The following DLG1 variants were observed in gnomAD, a reference collection of about 807,000 sequenced individuals.
The protein encoded by DLG1 is disks large homolog 1.
In DLG1, 42 loss-of-function variants were observed where a neutral mutation model predicts 123.4. The ratio of observed to expected loss-of-function variants is 0.34; its 90% CI spans 0.27 to 0.44. DLG1 has a LOEUF of 0.44. Ranked by LOEUF, DLG1 falls within the 20% of genes least tolerant of loss-of-function variation. DLG1 has a pLI of 1.00. For missense variants in DLG1, 942 were observed against 1,082.6 expected (o/e 0.87, Z 1.82); for synonymous variants, 317 against 356.2 (o/e 0.89, Z 1.24).
chr3:197,170,921 A>G (rs1303787866), intron 5 of DLG1, among the ~76,000 whole-genome samples: 1 of 152,192 alleles, frequency 6.6e-6, no homozygotes, highest in East Asian at 1.9e-4. Context: ...GCACACTTCC[A>G]TATTTTTAGA....
At chr3:197,289,328 G>C (rs545930359) in intron 3 of DLG1, among the ~76,000 whole-genome samples, 1 of 128,798 alleles carries the variant, frequency 7.8e-6, no homozygotes, top group Non-Finnish European at 1.6e-5. Flanking sequence ...GGGGTGGCGT[G>C]TATACACGCG....
chr3:197,207,707 AAT>A (rs1302386356), intron 4 of DLG1, among the ~76,000 whole-genome samples: 11 of 115,916 alleles, frequency 9.5e-5, no homozygotes, highest in South Asian at 9.5e-4. Context: ...TCGGCATATA[AAT>A]AGAAATTTGG....
intron 5 of DLG1, among the ~76,000 whole-genome samples, chr3:197,180,660 C>T (rs1014112436): frequency 3.3e-5 from 5 of 152,046 alleles, no homozygotes; most frequent in Non-Finnish European, 7.4e-5. Context: ...TTGGTTATCA[C>T]TACTGAGTGG....
At chr3:197,061,052 C>T (rs1174790034) in intron 22 of DLG1, among the ~76,000 whole-genome samples, 1 of 152,202 alleles carries the variant, frequency 6.6e-6, no homozygotes, top group East Asian at 1.9e-4. Context: ...GATCCACCCA[C>T]CTTGGCCTCC....
rs1765559608 is a variant in DLG1 at position 197,104,941 on chromosome 3, C to A, written c.1508G>T (p.Gly503Val). ...EQAAAALKNA[G>V]QAVTIVAQYR... ...TTGTGCAACAATTGTGACAGCCTGG[C>A]CAGCATTTTTCAATGCAGCTGCTGC... is the stretch of plus-strand genomic sequence containing the variant. The change falls in exon 14 of 25, where the codon GGC becomes GTC. Residue 503 changes from glycine to valine, a missense_variant. Transcript: ENST00000667157. The A allele has an allele frequency of 1.2e-6, 2 of 1,613,502 alleles. No individual in the cohort carries two copies. The highest frequency in any genetic ancestry group is 1.7e-6 in the Non-Finnish European group (2 of 1,179,644).
At chr3:197,059,758 A>C in intron 23 of DLG1, 131 bp downstream of exon 23, 1 of 537,256 alleles carries the variant, frequency 1.9e-6, no homozygotes, top group Non-Finnish European at 3.3e-6. Flanking sequence ...TCACCACATA[A>C]TCTGAGGTGA....
chr3:197,093,825 T>C (rs1759135583), intron 14 of DLG1, among the ~76,000 whole-genome samples: 1 of 152,184 alleles, frequency 6.6e-6, no homozygotes, highest in African/African-American at 2.4e-5. Context: ...GCATCCCACA[T>C]GCTCTTGTAC....
At chr3:197,180,597 T>C (rs1809700689) in intron 5 of DLG1, among the ~76,000 whole-genome samples, 1 of 152,130 alleles carries the variant, frequency 6.6e-6, no homozygotes, top group Admixed American at 6.6e-5. Flanking sequence ...AAACCCACAA[T>C]GTAAAATGAG....
intron 14 of DLG1, among the ~76,000 whole-genome samples, chr3:197,103,220 C>T (rs1034110698): frequency 2.6e-5 from 4 of 152,104 alleles, no homozygotes; most frequent in East Asian, 1.9e-4. Context: ...TCATACCTGC[C>T]TTCTTAGTTT....
chr3:197,096,628 C>G (rs1760810083), intron 14 of DLG1, among the ~76,000 whole-genome samples: 1 of 152,174 alleles, frequency 6.6e-6, no homozygotes, highest in South Asian at 2.1e-4. Flanking sequence ...TCTTTTTCAC[C>G]TTCTTGGTTT....
chr3:197,104,554 T>C (rs1301777673), intron 14 of DLG1, among the ~76,000 whole-genome samples: 3 of 152,056 alleles, frequency 2.0e-5, no homozygotes, highest in Non-Finnish European at 2.9e-5. Context: ...TGGTGGTGCA[T>C]GCCTGTAATC....
At chr3:197,202,551 A>C (rs1250745878) in intron 4 of DLG1, among the ~76,000 whole-genome samples, 1 of 152,228 alleles carries the variant, frequency 6.6e-6, no homozygotes, top group Non-Finnish European at 1.5e-5. Flanking sequence ...TTTTAGGAGA[A>C]GAAAAACTCT....
intron 4 of DLG1, among the ~76,000 whole-genome samples, chr3:197,220,190 GAATA>G (rs1212615382): frequency 2.0e-5 from 3 of 152,030 alleles, no homozygotes; most frequent in African/African-American, 7.3e-5. Flanking sequence ...ATGAATCAAT[GAATA>G]AATTAATCAA....
intron 5 of DLG1, among the ~76,000 whole-genome samples, chr3:197,192,697 T>C (rs1720273743): frequency 1.3e-5 from 2 of 152,256 alleles, no homozygotes; most frequent in South Asian, 4.1e-4. Context: ...TGAATGTACA[T>C]ACATAAACAT....
intron 13 of DLG1, among the ~76,000 whole-genome samples, chr3:197,109,952 T>G (rs1295666326): frequency 1.3e-5 from 2 of 152,320 alleles, no homozygotes; most frequent in South Asian, 4.1e-4. Context: ...ACAGTTCGAT[T>G]GTAATGTGTC....
rs190891756 is a variant in DLG1, at chr3:197,197,894, T to C, written c.319-3305A>G. ...CATGTGTGTGCCAAGGGAGAAAGAA[T>C]AGTTTTTTTTAACAAATGATATTGG... is the stretch of plus-strand genomic sequence containing the variant. On this transcript the variant is annotated intron_variant, in intron 4 of 24. Coordinates refer to ENST00000667157, the MANE Select transcript of DLG1 (RefSeq NM_001366207.1). Among the ~76,000 whole-genome samples the C allele has an allele frequency of 9.8e-5, 15 of 152,346 alleles. No homozygotes were observed. In the East Asian group the frequency reaches 2.1e-3, roughly 22 times the overall value.
At chr3:197,067,551 GTTTTTTT>G (rs199907948) in intron 19 of DLG1, among the ~76,000 whole-genome samples, 32,225 of 107,466 alleles carry the variant, frequency 0.3, 4,470 homozygotes, top group East Asian at 0.72. Context: ...AACTCTGAGA[GTTTTTTT>G]TTTTTTTTTT....
At chr3:197,145,059 A>T (rs927740204) in intron 6 of DLG1, among the ~76,000 whole-genome samples, 16 of 142,106 alleles carry the variant, frequency 1.1e-4, no homozygotes, top group African/African-American at 3.1e-4. Context: ...TCTCTCTCAC[A>T]CACACACACA....
chr3:197,164,327 G>A lies in DLG1; in HGVS notation c.484-14531C>T, dbSNP rs577353809. ...CAGGAGAATTGCTAGAGCCTGGAAG[G>A]TGGAGGTTGCGGTGAGCCTAGATTG... is the stretch of plus-strand genomic sequence containing the variant. On this transcript the variant is annotated intron_variant, in intron 5 of 24. Coordinates refer to ENST00000667157, the MANE Select transcript of DLG1 (RefSeq NM_001366207.1). Among the ~76,000 whole-genome samples the A allele has an allele frequency of 1.2e-4, 18 of 152,162 alleles. 1 individual carries two copies. The highest frequency in any genetic ancestry group is 4.1e-4 in the African/African-American group (17 of 41,482).
Sources: allele counts gnomAD v4.1 joint callset (sites outside exome capture counted in the v4.1 genomes callset), GRCh38; gene constraint gnomAD v4.1.1; transcripts MANE v1.5; gene names NCBI Gene and HGNC (gene_info 2026-07-23, HGNC 2026-07-21).